STAU2: variants seen among roughly 807,000 people sequenced by gnomAD.
STAU2 encodes double-stranded RNA-binding protein Staufen homolog 2.
A neutral mutation model predicts 65.9 loss-of-function variants in STAU2; 20 were observed. That is an observed-to-expected ratio of 0.30 (90% CI 0.21 to 0.44). The LOEUF (loss-of-function observed/expected upper bound fraction) is 0.44, where lower values mean the gene tolerates loss of function less well. Among genes scored for constraint, STAU2 ranks in the 20% least tolerant of loss-of-function variants. The pLI, the probability that STAU2 is intolerant of heterozygous loss-of-function variation, is 1.00. For synonymous variants in STAU2, 232 were observed against 233.9 expected (o/e 0.99, Z 0.07); for missense variants, 558 against 683.9 (o/e 0.82, Z 2.05).
chr8:73,593,846 T>C (rs1810989851), intron 11 of STAU2, among the ~76,000 whole-genome samples: 1 of 144,292 alleles, frequency 6.9e-6, no homozygotes, highest in Admixed American at 7.2e-5. Flanking sequence ...CATGGGCCAA[T>C]TCCTTAATAT....
intron 13 of STAU2, among the ~76,000 whole-genome samples, chr8:73,424,776 C>T (rs543889068): frequency 5.9e-4 from 90 of 151,618 alleles, no homozygotes; most frequent in Non-Finnish European, 1.1e-3. Flanking sequence ...AAGCAAAAGT[C>T]GGCATGCGTC....
At chr8:73,746,394 G>A (rs1048771796) in intron 1 of STAU2, among the ~76,000 whole-genome samples, 1 of 146,320 alleles carries the variant, frequency 6.8e-6, no homozygotes, top group African/African-American at 2.5e-5. Flanking sequence ...CTACCACCCC[G>A]GCCCCCTAGA....
Position 73,421,285 on chromosome 8 carries a change from A to T in STAU2, c.*87T>A. ...CACATAAGACTCAAATAATGGTATT[A>T]GTCATTCATTTCCCTGAACACAGAC... On this transcript the variant is annotated 3_prime_UTR_variant, in exon 15 of 15. Transcript: ENST00000524300. 9.3e-7 allele frequency: 1 copy of T among 1,072,636 alleles called. No homozygotes were observed. The highest frequency in any genetic ancestry group is 1.4e-6 in the Non-Finnish European group (1 of 726,172). 66.4% of individuals were successfully genotyped at this position (1,072,636 alleles called of 1,614,324 possible).
intron 13 of STAU2, among the ~76,000 whole-genome samples, chr8:73,447,897 C>T (rs1041707842): frequency 3.3e-5 from 5 of 152,222 alleles, no homozygotes; most frequent in Non-Finnish European, 7.3e-5. Context: ...TGGAAAGCGA[C>T]AGCAGGGCTA....
intron 3 of STAU2, among the ~76,000 whole-genome samples, chr8:73,735,189 C>T (rs1001961607): frequency 6.6e-6 from 1 of 152,194 alleles, no homozygotes; most frequent in African/African-American, 2.4e-5. Flanking sequence ...CTTCAGCCTC[C>T]CAAAGTGCTG....
At chr8:73,582,028 G>A (rs1810025032) in intron 12 of STAU2, among the ~76,000 whole-genome samples, 1 of 152,154 alleles carries the variant, frequency 6.6e-6, no homozygotes, top group Non-Finnish European at 1.5e-5. Flanking sequence ...CTGATTTACA[G>A]TAAAATGTTA....
At chr8:73,721,318 C>CAAAAAAAAAAAA (rs1821670130) in intron 3 of STAU2, among the ~76,000 whole-genome samples, 2 of 125,048 alleles carry the variant, frequency 1.6e-5, no homozygotes, top group Non-Finnish European at 3.3e-5. Flanking sequence ...AAAAAAAAGT[C>CAAAAAAAAAAAA]CTTTATGGCC....
intron 5 of STAU2, among the ~76,000 whole-genome samples, chr8:73,679,471 G>A (rs917998350): frequency 6.6e-6 from 1 of 152,178 alleles, no homozygotes; most frequent in Non-Finnish European, 1.5e-5. Context: ...GTGTGAGAGG[G>A]GGAAAGTCTG....
At chr8:73,430,740 A>C (rs1205038338) in intron 13 of STAU2, among the ~76,000 whole-genome samples, 1 of 152,244 alleles carries the variant, frequency 6.6e-6, no homozygotes, top group Non-Finnish European at 1.5e-5. Context: ...GAAGATGGTA[A>C]AATCAACAAT....
At chr8:73,682,126 G>T (rs189361098) in intron 5 of STAU2, among the ~76,000 whole-genome samples, 1 of 152,004 alleles carries the variant, frequency 6.6e-6, no homozygotes, top group African/African-American at 2.4e-5. Context: ...ACAACAAATG[G>T]ATTTAACAGA....
chr8:73,527,675 C>T (rs750358214), intron 13 of STAU2: 14 of 1,529,484 alleles, frequency 9.2e-6, no homozygotes, highest in Non-Finnish European at 1.2e-5. Context: ...AGCAAAATGG[C>T]AGTGGCATAT....
chr8:73,663,437 C>A (rs1276266775), intron 6 of STAU2, among the ~76,000 whole-genome samples: 3 of 152,162 alleles, frequency 2.0e-5, no homozygotes, highest in Non-Finnish European at 2.9e-5. Context: ...TTCCACTGAT[C>A]CATATATCTG....
intron 13 of STAU2, among the ~76,000 whole-genome samples, chr8:73,428,421 A>G (rs1395256180): frequency 6.6e-6 from 1 of 152,132 alleles, no homozygotes; most frequent in Non-Finnish European, 1.5e-5. Context: ...TACTGTTGCA[A>G]TAAACATGAG....
At chr8:73,728,363 A>G (rs529650698) in intron 3 of STAU2, among the ~76,000 whole-genome samples, 2 of 151,080 alleles carry the variant, frequency 1.3e-5, no homozygotes, top group East Asian at 3.9e-4. Context: ...ATTGGGAAAT[A>G]TGAGTCCTCT....
At chr8:73,617,187 A>T in intron 7 of STAU2, 105 bp downstream of exon 7, 1 of 1,356,432 alleles carries the variant, frequency 7.4e-7, no homozygotes, top group Non-Finnish European at 9.9e-7. Flanking sequence ...TCACTCTAGT[A>T]TTCTTCCCTA....
chr8:73,579,044 G>A (rs2128960837), intron 12 of STAU2, among the ~76,000 whole-genome samples: 1 of 125,306 alleles, frequency 8.0e-6, no homozygotes, highest in East Asian at 2.6e-4. Context: ...CATAGCATTT[G>A]GGAAACCAGC....
chr8:73,441,849 T>C (rs1206744373), intron 13 of STAU2, among the ~76,000 whole-genome samples: 1 of 152,272 alleles, frequency 6.6e-6, no homozygotes, highest in Non-Finnish European at 1.5e-5. Context: ...TAATGTATTT[T>C]AAACTTGTTT....
chr8:73,704,651 C>A (rs1046819093), intron 4 of STAU2, among the ~76,000 whole-genome samples: 1 of 152,106 alleles, frequency 6.6e-6, no homozygotes, highest in African/African-American at 2.4e-5. Flanking sequence ...TCAAATTTTT[C>A]ATAATAAATT....
chr8:73,634,140 C>A (rs1276582985), intron 6 of STAU2, among the ~76,000 whole-genome samples: 3 of 152,188 alleles, frequency 2.0e-5, no homozygotes, highest in Non-Finnish European at 4.4e-5. Flanking sequence ...AGGTATCATT[C>A]TTCACCTAAT....
Sources: allele counts gnomAD v4.1 joint callset (sites outside exome capture counted in the v4.1 genomes callset), GRCh38; gene constraint gnomAD v4.1.1; transcripts MANE v1.5; gene names NCBI Gene and HGNC (gene_info 2026-07-23, HGNC 2026-07-21).